R3HDM1: variants seen among roughly 807,000 people sequenced by gnomAD.
The protein encoded by R3HDM1 is R3H domain-containing protein 1.
R3HDM1 carries 46 observed loss-of-function variants against 141.1 expected under a neutral mutation model. The ratio of observed to expected loss-of-function variants is 0.33; its 90% CI spans 0.26 to 0.42. The LOEUF (loss-of-function observed/expected upper bound fraction) is 0.42, where lower values mean the gene tolerates loss of function less well. Ranked by LOEUF, R3HDM1 falls within the 10% of genes least tolerant of loss-of-function variation. The probability of loss-of-function intolerance (pLI) is 1.00; values close to 1 mark genes in which losing one functional copy is unlikely to be tolerated. For synonymous variants in R3HDM1, 435 were observed against 472.9 expected (o/e 0.92, Z 1.04); for missense variants, 1,184 against 1,368.3 (o/e 0.87, Z 2.12).
chr2:135,639,823 G>A (rs967080784), intron 14 of R3HDM1, among the ~76,000 whole-genome samples: 8 of 152,148 alleles, frequency 5.3e-5, no homozygotes, highest in African/African-American at 1.2e-4. Context: ...CTGTCCGGGC[G>A]CAGTGGCTCA....
intron 1 of R3HDM1, among the ~76,000 whole-genome samples, chr2:135,574,500 T>C (rs1295530386): frequency 6.6e-6 from 1 of 152,202 alleles, no homozygotes; most frequent in African/African-American, 2.4e-5. Flanking sequence ...GTGAAACAAA[T>C]ATAGTATTGA....
chr2:135,546,266 G>A (rs534801114), intron 1 of R3HDM1, among the ~76,000 whole-genome samples: 1 of 152,250 alleles, frequency 6.6e-6, no homozygotes, highest in East Asian at 1.9e-4. Context: ...ATAGGCAGGG[G>A]AGAGGAAATC....
rs553292805 is a variant in R3HDM1, at chr2:135,540,441, A to C, written c.-250+8808A>C. Among the ~76,000 whole-genome samples, 3 of 152,334 alleles carry C rather than the reference A, an allele frequency of 2.0e-5. No individual in the cohort carries two copies. In the South Asian group the frequency reaches 6.2e-4, roughly 32 times the overall value. The stretch of plus-strand genomic sequence containing the variant: ...TCCCATGAATCACAAATATTCTTTT[A>C]AGACATGGAGGTGTTGCTCTGTTGC... On this transcript the variant is annotated intron_variant, in intron 1 of 26. Coordinates refer to ENST00000683871, the MANE Select transcript of R3HDM1 (RefSeq NM_001378107.1).
At chr2:135,699,700 G>A (rs1212595204) in intron 21 of R3HDM1, among the ~76,000 whole-genome samples, 1 of 152,208 alleles carries the variant, frequency 6.6e-6, no homozygotes, top group Non-Finnish European at 1.5e-5. Flanking sequence ...TCAAAGGAAA[G>A]AAGCAAGATA....
At chr2:135,589,213 T>C (rs1394486876) in intron 1 of R3HDM1, among the ~76,000 whole-genome samples, 1 of 152,174 alleles carries the variant, frequency 6.6e-6, no homozygotes, top group African/African-American at 2.4e-5. Flanking sequence ...GAAAGAAAAT[T>C]AGATTTACAA....
At chr2:135,580,683 C>G (rs1706613461) in intron 1 of R3HDM1, among the ~76,000 whole-genome samples, 1 of 152,180 alleles carries the variant, frequency 6.6e-6, no homozygotes, top group Non-Finnish European at 1.5e-5. Context: ...AAGGCCTTGC[C>G]TGTCTGCTCC....
At chr2:135,584,203 C>G in intron 1 of R3HDM1, 1 of 537,674 alleles carries the variant, frequency 1.9e-6, no homozygotes, top group Non-Finnish European at 2.4e-6. Flanking sequence ...TGGCAGTTTC[C>G]TGTAATCCCA....
At chr2:135,670,304 C>A in intron 19 of R3HDM1, 1 of 985,076 alleles carries the variant, frequency 1.0e-6, no homozygotes, top group Non-Finnish European at 1.2e-6. Flanking sequence ...AGAGCAGACA[C>A]AGGAAGCTGA....
chr2:135,685,948 G>A (rs1423671214), intron 21 of R3HDM1, among the ~76,000 whole-genome samples: 3 of 152,116 alleles, frequency 2.0e-5, no homozygotes, highest in East Asian at 3.9e-4. Flanking sequence ...TTTGCCAGCT[G>A]TATATCTGAT....
intron 7 of R3HDM1, among the ~76,000 whole-genome samples, chr2:135,630,281 C>CAAAAAAAAAAAAAAAAAAAA (rs911009655): frequency 1.8e-4 from 7 of 39,316 alleles, no homozygotes; most frequent in African/African-American, 4.6e-4. Flanking sequence ...CCTTCTCAAC[C>CAAAAAAAAAAAAAAAAAAAA]AAAAAAAAAA....
chr2:135,560,102 C>A (rs1229165777), intron 1 of R3HDM1, among the ~76,000 whole-genome samples: 1 of 152,048 alleles, frequency 6.6e-6, no homozygotes, highest in African/African-American at 2.4e-5. Context: ...ACAAAGTTGG[C>A]GCATGTATAT....
At position 135,670,155 on chromosome 2, in the gene R3HDM1, A is replaced by AAG. The variant is rs1553613308; in HGVS notation, c.2153-5176_2153-5175insGA. On this transcript the variant is annotated intron_variant, in intron 19 of 26. Transcript: ENST00000683871. ...CTCAGTCTCAAAAAAAAAAAAAAAA[A>AAG]AAACCAACAAAAAAGATTAGCTTGT... 161 of 321,756 alleles carry AAG rather than the reference A, an allele frequency of 5.0e-4. 3 individuals carry two copies. The highest frequency in any genetic ancestry group is 2.2e-3 in the African/African-American group (94 of 41,976). The allele number at this position is 321,756 out of a possible 1,614,324, so 19.9% of individuals were successfully genotyped here. A position where few individuals can be genotyped will look rare whatever the true frequency, so the allele number is the denominator to read the frequency against.
chr2:135,686,949 A>G (rs2105370175), intron 21 of R3HDM1, among the ~76,000 whole-genome samples: 1 of 152,314 alleles, frequency 6.6e-6, no homozygotes, highest in South Asian at 2.1e-4. Context: ...CTGTAATCCC[A>G]GCACTTTGGG....
intron 17 of R3HDM1, chr2:135,650,231 A>G (rs1053214466): frequency 1.7e-5 from 17 of 981,918 alleles, no homozygotes; most frequent in Admixed American, 6.2e-5. Flanking sequence ...GCTTTTTCAT[A>G]ACGAAAGAAT....
Position 135,534,077 on chromosome 2 carries a change from T to C in R3HDM1, c.-250+2444T>C, listed in dbSNP as rs896389132. ...ACCATGGGTGTATTAATTTATATAGTGACTTAAGCACAGTTTGCGACTAGT... is the reference window on the plus strand; with the variant it reads ...ACCATGGGTGTATTAATTTATATAGCGACTTAAGCACAGTTTGCGACTAGT... On this transcript the variant is annotated intron_variant, in intron 1 of 26. Transcript: ENST00000683871. 1.6e-5 allele frequency: 15 copies of C among 962,116 alleles called. No homozygotes were observed. The African/African-American group carries it at 2.3e-4, about 15-fold the overall frequency. The allele number at this position is 962,116 out of a possible 1,614,324, so 59.6% of individuals were successfully genotyped here. A position where few individuals can be genotyped will look rare whatever the true frequency, so the allele number is the denominator to read the frequency against.
At chr2:135,542,921 G>C (rs1230416930) in intron 1 of R3HDM1, among the ~76,000 whole-genome samples, 1 of 152,112 alleles carries the variant, frequency 6.6e-6, no homozygotes, top group Non-Finnish European at 1.5e-5. Flanking sequence ...ATTTCTAGTA[G>C]AGATGGGGTT....
At chr2:135,587,059 A>G in intron 1 of R3HDM1, 18 of 849,594 alleles carry the variant, frequency 2.1e-5, no homozygotes, top group Non-Finnish European at 2.5e-5. Context: ...AGCAAAACCT[A>G]GATCTGTCAT....
chr2:135,581,480 T>C (rs1458258398), intron 1 of R3HDM1: 1 of 837,358 alleles, frequency 1.2e-6, no homozygotes, highest in Non-Finnish European at 1.4e-6. Context: ...TGACCTCACC[T>C]GACTGACTAA....
intron 1 of R3HDM1, chr2:135,566,777 C>T (rs1702874209): frequency 2.0e-6 from 2 of 984,986 alleles, no homozygotes; most frequent in Non-Finnish European, 2.4e-6. Flanking sequence ...CGCGGTGGCT[C>T]ACGCCTGTAA....
Sources: gnomAD v4.1 joint callset for allele counts (sites outside exome capture counted in the v4.1 genomes callset) on GRCh38, gnomAD v4.1.1 for gene constraint, MANE v1.5 for transcripts, NCBI Gene and HGNC (gene_info 2026-07-23, HGNC 2026-07-21) for gene names.